Variants in POLR1A observed in about 807,000 individuals in gnomAD.
The protein encoded by POLR1A is DNA-directed RNA polymerase I subunit RPA1.
POLR1A carries 84 observed loss-of-function variants against 205.3 expected under a neutral mutation model. The observed-to-expected ratio is 0.41, with a 90% CI of 0.34 to 0.49. The LOEUF (loss-of-function observed/expected upper bound fraction) is 0.49, where lower values mean the gene tolerates loss of function less well. POLR1A is among the 20% of genes least tolerant of loss of function. The probability of loss-of-function intolerance (pLI) is 0.22; values close to 1 mark genes in which losing one functional copy is unlikely to be tolerated. For missense variants in POLR1A, 1,645 were observed against 2,204.5 expected (o/e 0.75, Z 5.08); for synonymous variants, 799 against 863.7 (o/e 0.93, Z 1.31).
rs967143693 is a variant in POLR1A, at chr2:86,021,519, C to T, written c.*5904G>A. On this transcript the variant is annotated 3_prime_UTR_variant, in exon 34 of 34. Transcript: ENST00000263857. ...CTCCCCACTGTCCTCTCCACTCTGTCCTTCCTACAAAGCACCCTCTAGAGT... is the reference window on the plus strand; with the variant it reads ...CTCCCCACTGTCCTCTCCACTCTGTTCTTCCTACAAAGCACCCTCTAGAGT... 3 of 152,438 alleles carry T rather than the reference C, an allele frequency of 2.0e-5. No homozygotes were observed. The highest frequency in any genetic ancestry group is 7.2e-5 in the African/African-American group (3 of 41,466). 9.4% of individuals were successfully genotyped at this position (152,438 alleles called of 1,614,324 possible). A position where few individuals can be genotyped will look rare whatever the true frequency, so the allele number is the denominator to read the frequency against.
intron 27 of POLR1A, among the ~76,000 whole-genome samples, chr2:86,034,795 T>C (rs1024748940): frequency 1.3e-5 from 2 of 152,164 alleles, no homozygotes; most frequent in African/African-American, 2.4e-5. Flanking sequence ...TTTGAAAAAG[T>C]AGGCAGGTCA....
chr2:86,091,431 A>T (rs1673604549), intron 3 of POLR1A, among the ~76,000 whole-genome samples: 1 of 152,102 alleles, frequency 6.6e-6, no homozygotes, highest in Non-Finnish European at 1.5e-5. Context: ...CCAACAAAGA[A>T]TTTTTAAAGG....
chr2:86,073,226 AAT>A (rs1180851163), intron 12 of POLR1A, among the ~76,000 whole-genome samples: 1 of 151,842 alleles, frequency 6.6e-6, no homozygotes, highest in Non-Finnish European at 1.5e-5. Flanking sequence ...AAAAAAAAAA[AAT>A]GACAGGTTTT....
At chr2:86,031,826 C>T (rs1205906559) in intron 29 of POLR1A, among the ~76,000 whole-genome samples, 191 bp from the exon 30 acceptor site, 1 of 152,226 alleles carries the variant, frequency 6.6e-6, no homozygotes, top group Non-Finnish European at 1.5e-5. Context: ...AGAATGCCAC[C>T]TCTCTGTCCC....
chr2:86,090,849 G>A (rs895702955), intron 3 of POLR1A, among the ~76,000 whole-genome samples: 2 of 152,256 alleles, frequency 1.3e-5, no homozygotes, highest in Non-Finnish European at 2.9e-5. Context: ...CAGATGCTGA[G>A]GCAGGGGCTC....
chr2:86,035,729 T>A (rs1040065424), intron 27 of POLR1A, among the ~76,000 whole-genome samples: 1 of 152,216 alleles, frequency 6.6e-6, no homozygotes, highest in South Asian at 2.1e-4. Context: ...CCCTGGCCAA[T>A]ATCTACCTAC....
At position 86,052,968 on chromosome 2, in the gene POLR1A, T is replaced by G. The variant is rs1319553609; in HGVS notation, c.2241A>C (p.Gly747=). 1.9e-6 allele frequency: 3 copies of G among 1,597,830 alleles called. No homozygotes were observed. The African/African-American group carries it at 4.1e-5, about 22-fold the overall frequency. The part of the protein sequence containing the change: ...VIIREGELLC[G]VLDKAHYGSS... ...TCCCATAGTGCGCCTTGTCCAGCACTCCGCAGAGCAGCTCCCCTTCCCTGA... is the reference window on the plus strand; with the variant it reads ...TCCCATAGTGCGCCTTGTCCAGCACGCCGCAGAGCAGCTCCCCTTCCCTGA... The change falls in exon 16 of 34, where the codon GGA becomes GGC. Residue 747 remains glycine, a synonymous_variant. Transcript: ENST00000263857.
At chr2:86,044,800 T>C (rs1474297048) in intron 21 of POLR1A, among the ~76,000 whole-genome samples, 1 of 152,196 alleles carries the variant, frequency 6.6e-6, no homozygotes, top group East Asian at 1.9e-4. Flanking sequence ...CTCAGTTTTA[T>C]CTCAACTTCT....
At chr2:86,056,199 C>G (rs944724506) in intron 14 of POLR1A, among the ~76,000 whole-genome samples, 1 of 152,012 alleles carries the variant, frequency 6.6e-6, no homozygotes, top group Non-Finnish European at 1.5e-5. Flanking sequence ...CACCTGTAAT[C>G]CCAGCACTTT....
At chr2:86,067,362 T>C (rs1269160661) in intron 13 of POLR1A, among the ~76,000 whole-genome samples, 5 of 152,128 alleles carry the variant, frequency 3.3e-5, no homozygotes, top group Non-Finnish European at 7.4e-5. Context: ...GCTGACTAAG[T>C]AGAAGTCAGG....
rs1422791858 is a variant in POLR1A at position 86,023,164 on chromosome 2, C to T, written c.*4259G>A. ...GGTGTAGGAACTTTGGAATTTTTGA[C>T]TGTAGCTATTTTGGTGGTTGTAATT... On this transcript the variant is annotated 3_prime_UTR_variant, in exon 34 of 34. Transcript: ENST00000263857. 1 of 152,224 alleles carries T rather than the reference C, an allele frequency of 6.6e-6. No homozygotes were observed. The highest frequency in any genetic ancestry group is 1.5e-5 in the Non-Finnish European group (1 of 68,056). 9.4% of individuals were successfully genotyped at this position (152,224 alleles called of 1,614,324 possible). A position where few individuals can be genotyped will look rare whatever the true frequency, so the allele number is the denominator to read the frequency against.
chr2:86,055,305 A>AG (rs1672877693), intron 14 of POLR1A, among the ~76,000 whole-genome samples: 1 of 152,190 alleles, frequency 6.6e-6, no homozygotes, highest in Admixed American at 6.5e-5. Flanking sequence ...AAGAAAAAAA[A>AG]GAGAGTGGGC....
Position 86,023,514 on chromosome 2 carries a change from G to C in POLR1A, c.*3909C>G, listed in dbSNP as rs1690191726. Reference sequence around the variant, plus strand: ...CACTTAAGGGTCCCAACATCTGATTGAAACACAGCCCACACCAAACCACGA... The same window carrying C: ...CACTTAAGGGTCCCAACATCTGATTCAAACACAGCCCACACCAAACCACGA... On this transcript the variant is annotated 3_prime_UTR_variant, in exon 34 of 34. Transcript: ENST00000263857. The C allele has an allele frequency of 6.6e-6, 1 of 152,150 alleles. No individual in the cohort carries two copies. Among genetic ancestry groups the C allele is most frequent in the Non-Finnish European group, 1.5e-5 (1 of 68,024 alleles). The allele number at this position is 152,150 out of a possible 1,614,324, so 9.4% of individuals were successfully genotyped here. A position where few individuals can be genotyped will look rare whatever the true frequency, so the allele number is the denominator to read the frequency against.
intron 11 of POLR1A, among the ~76,000 whole-genome samples, chr2:86,075,570 G>A (rs569747182): frequency 2.6e-5 from 4 of 152,154 alleles, no homozygotes; most frequent in East Asian, 3.9e-4. Context: ...GTGCAATGGC[G>A]CGATCTCGGC....
rs923587391 is a variant in POLR1A, at chr2:86,044,320, C to T, written c.2970-16G>A. On this transcript the variant is annotated splice_polypyrimidine_tract_variant and intron_variant, in intron 21 of 33. Transcript: ENST00000263857. ...GATGATGCACCTGTAAGGACACCAT[C>T]GGCTCAGTCCCCGCCGGCCCATCAC... 2.4e-5 allele frequency: 39 copies of T among 1,613,742 alleles called. No homozygotes were observed. Among genetic ancestry groups the T allele is most frequent in the South Asian group, 3.3e-5 (3 of 91,080 alleles).
chr2:86,083,733 G>GT (rs961681452), intron 6 of POLR1A, among the ~76,000 whole-genome samples: 14 of 152,008 alleles, frequency 9.2e-5, no homozygotes, highest in African/African-American at 3.1e-4. Context: ...TTATCTACCT[G>GT]TTTTTTACCA....
chr2:86,050,558 C>T (rs1672784182), intron 16 of POLR1A, among the ~76,000 whole-genome samples: 1 of 152,148 alleles, frequency 6.6e-6, no homozygotes, highest in Non-Finnish European at 1.5e-5. Context: ...CCAGCTTGGC[C>T]CTGCTTCCTT....
chr2:86,027,545 GT>G lies in POLR1A; in HGVS notation c.5063-23del, dbSNP rs750076929. On this transcript the variant is annotated intron_variant, in intron 33 of 33. Transcript: ENST00000263857. Reference sequence around the variant, plus strand: ...GATCCTGACAGAGACACAAAAACATGTGTCAGGGTGTTGAGGTAGAAGTTGG... The same window carrying G: ...GATCCTGACAGAGACACAAAAACATGGTCAGGGTGTTGAGGTAGAAGTTGG... 5.6e-5 allele frequency: 89 copies of G among 1,590,794 alleles called. No individual in the cohort carries two copies. In the East Asian group the frequency reaches 1.9e-3, roughly 34 times the overall value.
intron 19 of POLR1A, 48 bp downstream of exon 19, chr2:86,047,117 C>T: frequency 7.8e-7 from 1 of 1,289,750 alleles, no homozygotes; most frequent in South Asian, 1.2e-5. Context: ...TATCCCCCAC[C>T]TGCCTTTGCT....
Sources: allele counts gnomAD v4.1 joint callset (sites outside exome capture counted in the v4.1 genomes callset), GRCh38; gene constraint gnomAD v4.1.1; transcripts MANE v1.5; gene names NCBI Gene and HGNC (gene_info 2026-07-23, HGNC 2026-07-21).